Variants in FGF12 observed in about 807,000 individuals in gnomAD.
FGF12 encodes the protein fibroblast growth factor 12.
In FGF12, 14 loss-of-function variants were observed where a neutral mutation model predicts 23.6. The ratio of observed to expected loss-of-function variants is 0.59; its 90% CI spans 0.39 to 0.93. The LOEUF (loss-of-function observed/expected upper bound fraction) is 0.93. Among genes scored for constraint, FGF12 ranks in the 40% least tolerant of loss-of-function variants. The pLI, the probability that FGF12 is intolerant of heterozygous loss-of-function variation, is 0.00. For synonymous variants in FGF12, 62 were observed against 77.3 expected (o/e 0.80, Z 1.04); for missense variants, 175 against 217.8 (o/e 0.80, Z 1.24).
At chr3:192,438,709 G>A (rs1722101482) in intron 2 of FGF12, among the ~76,000 whole-genome samples, 2 of 152,230 alleles carry the variant, frequency 1.3e-5, no homozygotes, top group Non-Finnish European at 2.9e-5. Flanking sequence ...TTGATGATTT[G>A]TGAGTATTCC....
intron 2 of FGF12, among the ~76,000 whole-genome samples, chr3:192,681,393 G>A (rs894242909): frequency 6.6e-5 from 10 of 152,196 alleles, no homozygotes; most frequent in African/African-American, 1.7e-4. Context: ...AGTGACTGAG[G>A]AGAAGACAAA....
chr3:192,415,786 A>G (rs1379930611), intron 2 of FGF12, among the ~76,000 whole-genome samples: 1 of 147,988 alleles, frequency 6.8e-6, no homozygotes, highest in Admixed American at 6.8e-5. Flanking sequence ...ACTCATGTTC[A>G]CAGAAGAAAA....
At chr3:192,331,971 T>G (rs1717145669) in intron 4 of FGF12, among the ~76,000 whole-genome samples, 1 of 152,038 alleles carries the variant, frequency 6.6e-6, no homozygotes, top group African/African-American at 2.4e-5. Context: ...AAGTTCACCA[T>G]CCGCACACCT....
intron 4 of FGF12, among the ~76,000 whole-genome samples, chr3:192,277,766 C>T (rs1327932346): frequency 6.6e-6 from 1 of 152,038 alleles, no homozygotes; most frequent in African/African-American, 2.4e-5. Context: ...ATACATTTCC[C>T]TGTTTTCTTT....
At chr3:192,536,993 T>C (rs969860983) in intron 2 of FGF12, among the ~76,000 whole-genome samples, 1 of 152,098 alleles carries the variant, frequency 6.6e-6, no homozygotes, top group Admixed American at 6.6e-5. Flanking sequence ...CTACTGTCTA[T>C]CCCCCTGAGT....
chr3:192,380,858 C>A (rs1271834341), intron 2 of FGF12, among the ~76,000 whole-genome samples: 1 of 151,674 alleles, frequency 6.6e-6, no homozygotes, highest in Non-Finnish European at 1.5e-5. Flanking sequence ...TAAAACATTT[C>A]TAGTACTCAT....
At chr3:192,661,546 G>A (rs1476890210) in intron 2 of FGF12, among the ~76,000 whole-genome samples, 3 of 152,114 alleles carry the variant, frequency 2.0e-5, no homozygotes, top group South Asian at 2.1e-4. Flanking sequence ...AATCATTGAT[G>A]TAAAGAGGAA....
chr3:192,322,919 T>C (rs901752530), intron 4 of FGF12, among the ~76,000 whole-genome samples: 5 of 152,066 alleles, frequency 3.3e-5, no homozygotes, highest in Admixed American at 1.3e-4. Flanking sequence ...AAGATCTGAG[T>C]AGGCATTTCT....
At chr3:192,270,830 A>G (rs1186609308) in intron 4 of FGF12, among the ~76,000 whole-genome samples, 1 of 151,990 alleles carries the variant, frequency 6.6e-6, no homozygotes, top group Non-Finnish European at 1.5e-5. Flanking sequence ...GAAGGAAGGA[A>G]GGAAGGAAGA....
intron 2 of FGF12, among the ~76,000 whole-genome samples, chr3:192,399,285 A>C (rs1381206071): frequency 6.6e-6 from 1 of 152,150 alleles, no homozygotes; most frequent in African/African-American, 2.4e-5. Flanking sequence ...GTGGTCTTAC[A>C]AAAGAGACCC....
At chr3:192,311,073 T>C (rs1715906393) in intron 4 of FGF12, among the ~76,000 whole-genome samples, 1 of 152,182 alleles carries the variant, frequency 6.6e-6, no homozygotes, top group Non-Finnish European at 1.5e-5. Flanking sequence ...TTAATCTCAA[T>C]TAAATAATGA....
chr3:192,347,637 A>T (rs10460903), intron 3 of FGF12, among the ~76,000 whole-genome samples: 20,004 of 152,064 alleles, frequency 0.13, 2,009 homozygotes, highest in East Asian at 0.51. Context: ...CTAGATGTTA[A>T]TCTTATCTAA....
chr3:192,241,124 G>A (rs993717339), intron 4 of FGF12, among the ~76,000 whole-genome samples: 1 of 152,228 alleles, frequency 6.6e-6, no homozygotes, highest in East Asian at 1.9e-4. Context: ...TAAGAATTCA[G>A]GGAATACTAT....
At chr3:192,700,772 C>T (rs1180710757) in intron 2 of FGF12, among the ~76,000 whole-genome samples, 1 of 152,114 alleles carries the variant, frequency 6.6e-6, no homozygotes, top group African/African-American at 2.4e-5. Flanking sequence ...ATACATTGCT[C>T]CTTTGGAATT....
rs545105354 is a variant in FGF12, at chr3:192,451,830, G to A, written c.14-91292C>T. On this transcript the variant is annotated intron_variant, in intron 2 of 5. Coordinates refer to ENST00000445105, the MANE Select transcript of FGF12 (RefSeq NM_004113.6). ...TTTATTTATGCATTCCGCTACTGAC[G>A]GAACCTGGGTAAAGACTGGTGCTAG... 9.0e-4 allele frequency among the ~76,000 whole-genome samples: 137 copies of A among 152,226 alleles called. 3 individuals carry two copies. In the Middle Eastern group the frequency reaches 0.01, roughly 11 times the overall value.
intron 5 of FGF12, among the ~76,000 whole-genome samples, chr3:192,158,842 C>G (rs558980670): frequency 2.6e-4 from 40 of 152,070 alleles, no homozygotes; most frequent in African/African-American, 9.2e-4. Context: ...AACCTATGGA[C>G]ATCTGCCCCC....
At chr3:192,583,036 C>T (rs1273626139) in intron 2 of FGF12, among the ~76,000 whole-genome samples, 1 of 152,202 alleles carries the variant, frequency 6.6e-6, no homozygotes, top group Non-Finnish European at 1.5e-5. Flanking sequence ...CAGACCATCC[C>T]CTTTCTTCAA....
chr3:192,217,279 A>C (rs1718239377), intron 4 of FGF12, among the ~76,000 whole-genome samples: 1 of 152,206 alleles, frequency 6.6e-6, no homozygotes, highest in African/African-American at 2.4e-5. Context: ...CTTAAGCGCT[A>C]TATGAGCGTC....
intron 5 of FGF12, among the ~76,000 whole-genome samples, chr3:192,146,969 C>T (rs1045441143): frequency 1.3e-5 from 2 of 152,098 alleles, no homozygotes; most frequent in African/African-American, 2.4e-5. Context: ...ATAAAATTAA[C>T]GGTTTTGAAA....
Sources: gnomAD v4.1 joint callset for allele counts (sites outside exome capture counted in the v4.1 genomes callset) on GRCh38, gnomAD v4.1.1 for gene constraint, MANE v1.5 for transcripts, NCBI Gene and HGNC (gene_info 2026-07-23, HGNC 2026-07-21) for gene names.